The following CTNND2 variants were observed in gnomAD, a reference collection of about 807,000 sequenced individuals.
CTNND2 encodes the protein catenin delta-2.
Under a neutral mutation model 144.4 loss-of-function variants are expected in CTNND2, and 22 were observed. The observed-to-expected ratio is 0.15, with a 90% CI of 0.11 to 0.22. The LOEUF is 0.22. CTNND2 is among the 10% of genes least tolerant of loss of function. The pLI is 1.00. For missense variants in CTNND2, 1,353 were observed against 1,618.8 expected (o/e 0.84, Z 2.82); for synonymous variants, 751 against 695.6 (o/e 1.08, Z -1.25).
At chr5:11,050,802 T>C (rs1010118868) in intron 16 of CTNND2, among the ~76,000 whole-genome samples, 9 of 152,168 alleles carry the variant, frequency 5.9e-5, no homozygotes, top group Admixed American at 2.6e-4. Flanking sequence ...CTTCCCTAGT[T>C]TTTGTCTCTG....
intron 2 of CTNND2, among the ~76,000 whole-genome samples, chr5:11,717,285 C>A (rs564120665): frequency 6.6e-6 from 1 of 152,098 alleles, no homozygotes; most frequent in African/African-American, 2.4e-5. Flanking sequence ...CTAATAAAGA[C>A]GTACCTGGCA....
At chr5:11,246,721 G>C (rs963072113) in intron 9 of CTNND2, among the ~76,000 whole-genome samples, 2 of 151,330 alleles carry the variant, frequency 1.3e-5, no homozygotes, top group Non-Finnish European at 2.9e-5. Context: ...GTCTGTAGGT[G>C]GGTGGGGGGG....
intron 1 of CTNND2, among the ~76,000 whole-genome samples, chr5:11,894,446 T>C (rs960706104): frequency 5.3e-5 from 8 of 152,194 alleles, no homozygotes; most frequent in Non-Finnish European, 1.0e-4. Context: ...TAGCATGAAA[T>C]GTAGCAATAT....
intron 10 of CTNND2, among the ~76,000 whole-genome samples, chr5:11,200,623 G>A (rs1026890726): frequency 1.3e-5 from 2 of 152,100 alleles, no homozygotes; most frequent in Non-Finnish European, 2.9e-5. Flanking sequence ...TGTCACAGAT[G>A]TGCTGGGACA....
At chr5:11,264,092 A>G (rs1745198650) in intron 9 of CTNND2, among the ~76,000 whole-genome samples, 1 of 152,240 alleles carries the variant, frequency 6.6e-6, no homozygotes. Context: ...TCTGGCCATC[A>G]GAATGACCAA....
chr5:11,411,985 G>C, intron 4 of CTNND2, 50 bp downstream of exon 4: 1 of 1,445,526 alleles, frequency 6.9e-7, no homozygotes, highest in South Asian at 1.1e-5. Flanking sequence ...AAAGTCATCA[G>C]TAGAGATATG....
chr5:11,112,005 C>T (rs986887517), intron 13 of CTNND2, among the ~76,000 whole-genome samples: 9 of 151,930 alleles, frequency 5.9e-5, no homozygotes, highest in Non-Finnish European at 1.2e-4. Context: ...CGCCACTACG[C>T]CCAGCTAATT....
intron 3 of CTNND2, among the ~76,000 whole-genome samples, chr5:11,546,792 C>G (rs143193347): frequency 6.6e-6 from 1 of 152,046 alleles, no homozygotes; most frequent in Non-Finnish European, 1.5e-5. Context: ...CTGTAATTCT[C>G]CCCCAATTTC....
chr5:11,550,100 T>C (rs1307038593), intron 3 of CTNND2, among the ~76,000 whole-genome samples: 4 of 152,222 alleles, frequency 2.6e-5, no homozygotes, highest in Admixed American at 1.3e-4. Flanking sequence ...ACCATGCTAA[T>C]TGTTTGAAAA....
intron 12 of CTNND2, among the ~76,000 whole-genome samples, chr5:11,158,223 C>T (rs544500260): frequency 3.3e-5 from 5 of 152,250 alleles, no homozygotes; most frequent in African/African-American, 1.2e-4. Context: ...AAGGGAAAAA[C>T]ACTTTTAAAT....
intron 14 of CTNND2, among the ~76,000 whole-genome samples, chr5:11,106,182 T>C (rs1752412094): frequency 6.6e-6 from 1 of 152,144 alleles, no homozygotes; most frequent in East Asian, 1.9e-4. Context: ...AAGCATGCAT[T>C]TGGTCTAGCT....
At chr5:11,454,763 G>A (rs1002950085) in intron 3 of CTNND2, among the ~76,000 whole-genome samples, 5 of 151,822 alleles carry the variant, frequency 3.3e-5, no homozygotes, top group Admixed American at 6.6e-5. Flanking sequence ...ACCATGCCCA[G>A]CTAATTTTTT....
chr5:11,791,682 T>C (rs1180507491), intron 1 of CTNND2, among the ~76,000 whole-genome samples: 2 of 152,240 alleles, frequency 1.3e-5, no homozygotes, highest in Non-Finnish European at 1.5e-5. Context: ...GTAATTTTGC[T>C]ATGAAAGTGG....
rs912249433 is a variant in CTNND2, at chr5:11,586,404, A to G, written c.175-21348T>C. ...ATTCAATATTTAGAACAGAGGAATGACTCAAAAAACATTTGTTGAATACAA... is the reference window on the plus strand; with the variant it reads ...ATTCAATATTTAGAACAGAGGAATGGCTCAAAAAACATTTGTTGAATACAA... On this transcript the variant is annotated intron_variant, in intron 2 of 21. Coordinates refer to ENST00000304623, the MANE Select transcript of CTNND2 (RefSeq NM_001332.4). 4.6e-5 allele frequency among the ~76,000 whole-genome samples: 7 copies of G among 152,324 alleles called. No individual in the cohort carries two copies. In the South Asian group the frequency reaches 6.2e-4, roughly 14 times the overall value.
chr5:11,022,026 T>C (rs1420020356), intron 17 of CTNND2, among the ~76,000 whole-genome samples: 3 of 152,208 alleles, frequency 2.0e-5, no homozygotes, highest in East Asian at 1.9e-4. Context: ...TATAGTAAGA[T>C]ACTGTTGGTT....
rs979934881 is a variant in CTNND2, at chr5:10,973,780, G to A, written c.3418-67C>T. On this transcript the variant is annotated intron_variant, in intron 21 of 21. Transcript: ENST00000304623. The surrounding 1 kb of genome is among the most constrained non-coding windows in gnomAD (Gnocchi z 5.6). Reference sequence around the variant, plus strand: ...CTTGACTCAGCCTGCCTCTTGCCCCGGCACCCAACTCTCCTTCAAAGAATA... The same window carrying A: ...CTTGACTCAGCCTGCCTCTTGCCCCAGCACCCAACTCTCCTTCAAAGAATA... 6.4e-5 allele frequency: 96 copies of A among 1,499,878 alleles called. No individual in the cohort carries two copies. The Middle Eastern group carries it at 6.5e-4, about 10-fold the overall frequency. The allele number at this position is 1,499,878 out of a possible 1,614,324, so 92.9% of individuals were successfully genotyped here.
intron 3 of CTNND2, among the ~76,000 whole-genome samples, chr5:11,492,539 G>A (rs996040643): frequency 4.4e-4 from 67 of 150,592 alleles, no homozygotes; most frequent in Non-Finnish European, 7.5e-4. Context: ...GTGTGTGTAT[G>A]TGTGTGTATC....
intron 11 of CTNND2, among the ~76,000 whole-genome samples, chr5:11,180,936 T>G (rs1580510164): frequency 6.6e-6 from 1 of 152,190 alleles, no homozygotes; most frequent in South Asian, 2.1e-4. Context: ...CCTGAGGATG[T>G]GGAGCTGACA....
chr5:11,865,902 C>CAAAAAAAAAAAAAAAAAAAAAAAAAA (rs56310600), intron 1 of CTNND2, among the ~76,000 whole-genome samples: 1 of 87,426 alleles, frequency 1.1e-5, no homozygotes, highest in Non-Finnish European at 2.2e-5. Context: ...CTGGAAGAGA[C>CAAAAAAAAAAAAAAAAAAAAAAAAAA]AAAAAAAAAA....
Sources: gnomAD v4.1 joint callset for allele counts (sites outside exome capture counted in the v4.1 genomes callset) on GRCh38, gnomAD v4.1.1 for gene constraint, Gnocchi (gnomAD v3.1) non-coding constraint, MANE v1.5 for transcripts, NCBI Gene and HGNC (gene_info 2026-07-23, HGNC 2026-07-21) for gene names.